The following TENM4 variants were observed in gnomAD, a reference collection of about 807,000 sequenced individuals.
TENM4 encodes the protein teneurin transmembrane protein 4.
In TENM4, 82 loss-of-function variants were observed where a neutral mutation model predicts 243.3. That is an observed-to-expected ratio of 0.34 (90% CI 0.28 to 0.40). The LOEUF (loss-of-function observed/expected upper bound fraction) is 0.40. TENM4 is among the 10% of genes least tolerant of loss of function. The pLI is 1.00. For missense variants in TENM4, 3,138 were observed against 3,673.3 expected (o/e 0.85, Z 3.77); for synonymous variants, 1,412 against 1,456.3 (o/e 0.97, Z 0.69).
intron 6 of TENM4, among the ~76,000 whole-genome samples, chr11:78,917,513 G>A (rs1452276195): frequency 6.6e-6 from 1 of 151,872 alleles, no homozygotes; most frequent in Non-Finnish European, 1.5e-5. Flanking sequence ...TTTTATATCG[G>A]CTCAGGAGAT....
At chr11:78,784,874 G>A (rs1856901915) in intron 16 of TENM4, among the ~76,000 whole-genome samples, 1 of 152,118 alleles carries the variant, frequency 6.6e-6, no homozygotes, top group Non-Finnish European at 1.5e-5. Context: ...CCCAACATGA[G>A]TCATGTGTGA....
intron 27 of TENM4, among the ~76,000 whole-genome samples, chr11:78,704,157 GTCTATATATA>G (rs1159321879): frequency 4.3e-5 from 3 of 70,536 alleles, no homozygotes; most frequent in African/African-American, 1.8e-4. Flanking sequence ...ATGTATGTGT[GTCTATATATA>G]TATATATATA....
chr11:78,778,601 C>T lies in TENM4; in HGVS notation c.2392+1G>A. The T allele has an allele frequency of 6.2e-7, 1 of 1,611,836 alleles. No homozygotes were observed. Among genetic ancestry groups the T allele is most frequent in the Non-Finnish European group, 8.5e-7 (1 of 1,179,042 alleles). ...GGAAAATAGAGGAAGGAAGACCATA[C>T]CTTTAACTACCCTATCCAGATAGTG... is the stretch of plus-strand genomic sequence containing the variant. On this transcript the variant is annotated splice_donor_variant, in intron 17 of 33. Coordinates refer to ENST00000278550, the MANE Select transcript of TENM4 (RefSeq NM_001098816.3). LOFTEE classifies it high-confidence loss of function.
intron 29 of TENM4, among the ~76,000 whole-genome samples, chr11:78,685,200 C>T (rs1307538890): frequency 1.3e-5 from 2 of 152,204 alleles, no homozygotes; most frequent in Non-Finnish European, 2.9e-5. Context: ...CACATATGTC[C>T]ATTAATGGTG....
chr11:79,327,779 C>T (rs1252075023), intron 1 of TENM4, among the ~76,000 whole-genome samples: 1 of 151,754 alleles, frequency 6.6e-6, no homozygotes, highest in African/African-American at 2.4e-5. Flanking sequence ...ATCCTGGTAC[C>T]TCAGAGTCCT....
chr11:79,291,309 G>A (rs1856352989), intron 2 of TENM4, among the ~76,000 whole-genome samples: 1 of 152,162 alleles, frequency 6.6e-6, no homozygotes, highest in East Asian at 1.9e-4. Context: ...GGATGCAGCT[G>A]GCATGGAACA....
intron 2 of TENM4, among the ~76,000 whole-genome samples, chr11:79,253,729 G>T (rs1855653221): frequency 6.6e-6 from 1 of 152,162 alleles, no homozygotes; most frequent in East Asian, 1.9e-4. Context: ...AAGTAAGAGA[G>T]GATGAAGACG....
intron 6 of TENM4, among the ~76,000 whole-genome samples, chr11:78,962,541 C>T (rs1857352183): frequency 2.0e-5 from 3 of 152,160 alleles, no homozygotes; most frequent in Admixed American, 1.3e-4. Context: ...TTGCTGCAAA[C>T]TCCTTCTGAA....
intron 21 of TENM4, 38 bp downstream of exon 21, chr11:78,732,278 T>TA (rs1855687533): frequency 1.3e-6 from 2 of 1,552,520 alleles, no homozygotes; most frequent in South Asian, 2.4e-5. Flanking sequence ...CAAAATGAAA[T>TA]AAAAGCATGG....
intron 1 of TENM4, among the ~76,000 whole-genome samples, chr11:79,405,865 A>C (rs1044808001): frequency 1.6e-4 from 25 of 151,774 alleles, no homozygotes; most frequent in African/African-American, 2.2e-4. Context: ...AAAAAAAAAA[A>C]AAAAAACAAC....
At chr11:78,805,819 G>A (rs1294519844) in intron 14 of TENM4, among the ~76,000 whole-genome samples, 1 of 152,108 alleles carries the variant, frequency 6.6e-6, no homozygotes. Flanking sequence ...GCACACAGGA[G>A]GTGTTTAATA....
Position 79,438,203 on chromosome 11 carries a change from G to A in TENM4, c.-321+2306C>T, listed in dbSNP as rs1433515688. Among the ~76,000 whole-genome samples, 1 of 152,140 alleles carries A rather than the reference G, an allele frequency of 6.6e-6. No individual in the cohort carries two copies. Among genetic ancestry groups the A allele is most frequent in the Non-Finnish European group, 1.5e-5 (1 of 68,030 alleles). On this transcript the variant is annotated intron_variant, in intron 1 of 33. Coordinates refer to ENST00000278550, the MANE Select transcript of TENM4 (RefSeq NM_001098816.3). The surrounding 1 kb of genome is among the most constrained non-coding windows in gnomAD (Gnocchi z 4.1). The stretch of plus-strand genomic sequence containing the variant: ...GGGCCAATGTGTCCCAGACTTCAGC[G>A]TTCCCCACGGCTGTGTCAGGGCTGG...
intron 4 of TENM4, among the ~76,000 whole-genome samples, chr11:79,109,584 C>T (rs11826323): frequency 0.14 from 21,950 of 152,156 alleles, 1,693 homozygotes; most frequent in South Asian, 0.19. Flanking sequence ...TCCCAGCCCA[C>T]GCAAGCGAGC....
chr11:78,736,488 G>GCGCA (rs1565356367), intron 20 of TENM4, among the ~76,000 whole-genome samples: 2 of 149,534 alleles, frequency 1.3e-5, no homozygotes, highest in African/African-American at 4.9e-5. Context: ...GTGCGCGCGC[G>GCGCA]TGCATGTGAG....
chr11:79,307,486 T>C (rs761351381), intron 1 of TENM4, among the ~76,000 whole-genome samples: 1 of 152,124 alleles, frequency 6.6e-6, no homozygotes, highest in Non-Finnish European at 1.5e-5. Flanking sequence ...CTCCCAATTC[T>C]GTCCACTTCT....
At chr11:78,978,212 G>T (rs1376860457) in intron 6 of TENM4, among the ~76,000 whole-genome samples, 1 of 151,522 alleles carries the variant, frequency 6.6e-6, no homozygotes, top group Non-Finnish European at 1.5e-5. Flanking sequence ...GGCGGATGGG[G>T]GGCTAGGGGA....
rs1326057543 is a variant in TENM4 at position 78,657,050 on chromosome 11, C to T, written c.*1008G>A. 2.5e-5 allele frequency: 10 copies of T among 398,542 alleles called. No individual in the cohort carries two copies. The highest frequency in any genetic ancestry group is 4.0e-5 in the Non-Finnish European group (9 of 226,128). 24.7% of individuals were successfully genotyped at this position (398,542 alleles called of 1,614,324 possible). ...AAGTCATAGAGAGAGGGCTTTGCCT[C>T]GGAAGGCAGGCTGGTGCCCTCGCCA... On this transcript the variant is annotated 3_prime_UTR_variant, in exon 34 of 34. Coordinates refer to ENST00000278550, the MANE Select transcript of TENM4 (RefSeq NM_001098816.3).
chr11:78,898,041 T>C (rs943937745), intron 7 of TENM4, among the ~76,000 whole-genome samples: 3 of 152,230 alleles, frequency 2.0e-5, no homozygotes, highest in Non-Finnish European at 4.4e-5. Flanking sequence ...ATTAAGTGTC[T>C]GATGCTGCAG....
At chr11:78,984,712 C>T (rs577025422) in intron 6 of TENM4, among the ~76,000 whole-genome samples, 2 of 152,292 alleles carry the variant, frequency 1.3e-5, no homozygotes, top group Admixed American at 1.3e-4. Context: ...CCGGTAACCA[C>T]AGCCAATATG....
Sources: gnomAD v4.1 joint callset for allele counts (sites outside exome capture counted in the v4.1 genomes callset) on GRCh38, gnomAD v4.1.1 for gene constraint, Gnocchi (gnomAD v3.1) non-coding constraint, MANE v1.5 for transcripts, NCBI Gene and HGNC (gene_info 2026-07-23, HGNC 2026-07-21) for gene names.